NHS: variants seen among roughly 807,000 people sequenced by gnomAD.
NHS encodes the protein NHS actin remodeling regulator, also known as actin remodeling regulator NHS.
NHS carries 5 observed loss-of-function variants against 72.5 expected under a neutral mutation model. The ratio of observed to expected loss-of-function variants is 0.07; its 90% CI spans 0.04 to 0.14. The LOEUF (loss-of-function observed/expected upper bound fraction) is 0.14, where lower values mean the gene tolerates loss of function less well. Ranked by LOEUF, NHS falls within the 10% of genes least tolerant of loss-of-function variation. NHS has a pLI of 1.00. For missense variants in NHS, 1,072 were observed against 1,355.7 expected, an observed-to-expected ratio of 0.79 and a Z score of 3.29; for synonymous variants, 464 against 547.7, an observed-to-expected ratio of 0.85 and a Z score of 2.13.
At chrX:17,656,649 A>G (rs955278160) in intron 1 of NHS, among the ~76,000 whole-genome samples, 5 of 112,314 alleles carry the variant, frequency 4.5e-5, no homozygotes, top group African/African-American at 1.6e-4. Context: ...TATTTTTAAA[A>G]GCATATTGCA....
At chrX:17,586,116 G>C (rs1188303600) in intron 1 of NHS, 2 of 110,903 alleles carry the variant, frequency 1.8e-5, no homozygotes, top group Non-Finnish European at 3.8e-5. Context: ...ACCAGCTCTG[G>C]GGCCTGGGAC....
intron 1 of NHS, among the ~76,000 whole-genome samples, chrX:17,541,676 G>C (rs2065263774): frequency 9.1e-6 from 1 of 109,527 alleles, no homozygotes; most frequent in South Asian, 4.0e-4. Flanking sequence ...AGCTTTGATG[G>C]GCTTTCAGCG....
intron 1 of NHS, among the ~76,000 whole-genome samples, chrX:17,655,901 A>G (rs780946387): frequency 4.9e-4 from 56 of 113,210 alleles, no homozygotes; most frequent in Non-Finnish European, 7.1e-4. Context: ...GCATCCATTC[A>G]TAATTCTCTG....
chrX:17,607,659 A>C (rs1412678433), intron 1 of NHS, among the ~76,000 whole-genome samples: 1 of 111,670 alleles, frequency 9.0e-6, no homozygotes, highest in Non-Finnish European at 1.9e-5. Flanking sequence ...AAATGTTCTA[A>C]ATTTGTGCTG....
At chrX:17,492,780 T>C (rs1288413380) in intron 1 of NHS, among the ~76,000 whole-genome samples, 1 of 112,018 alleles carries the variant, frequency 8.9e-6, no homozygotes, top group African/African-American at 3.2e-5. Flanking sequence ...AGTCTCTTTG[T>C]AGGTCTTTCT....
chrX:17,733,924 T>G lies in NHS; in HGVS notation c.*1460T>G, dbSNP rs1222171057. ...GAATTACTTGAAATTACTTGAATTT[T>G]CTTGTCTTAAAACTGAAAAAAAAAT... On this transcript the variant is annotated 3_prime_UTR_variant, in exon 9 of 9. Coordinates refer to ENST00000676302, the MANE Select transcript of NHS (RefSeq NM_001291867.2). 1 of 111,956 alleles carries G rather than the reference T, an allele frequency of 8.9e-6. No homozygotes were observed. Among genetic ancestry groups the G allele is most frequent in the East Asian group, 2.8e-4 (1 of 3,579 alleles). The allele number at this position is 111,956 out of a possible 1,213,427, so 9.2% of individuals were successfully genotyped here. A position where few individuals can be genotyped will look rare whatever the true frequency, so the allele number is the denominator to read the frequency against.
chrX:17,598,165 C>G (rs2065633662), intron 1 of NHS, among the ~76,000 whole-genome samples: 1 of 111,027 alleles, frequency 9.0e-6, no homozygotes, highest in Admixed American at 9.6e-5. Flanking sequence ...CTCTCCCTCC[C>G]CAGCAATTCC....
intron 1 of NHS, among the ~76,000 whole-genome samples, chrX:17,481,137 C>T (rs781186846): frequency 4.5e-5 from 5 of 111,907 alleles, no homozygotes; most frequent in Admixed American, 1.9e-4. Context: ...GGGTTATAAC[C>T]GTCTTACTGC....
At chrX:17,642,090 C>T (rs1385879661) in intron 1 of NHS, among the ~76,000 whole-genome samples, 1 of 111,247 alleles carries the variant, frequency 9.0e-6, no homozygotes, top group African/African-American at 3.3e-5. Flanking sequence ...GGATTACAGG[C>T]GCAGGCCACC....
At chrX:17,691,704 G>T (rs1184469861) in intron 2 of NHS, among the ~76,000 whole-genome samples, 1 of 111,892 alleles carries the variant, frequency 8.9e-6, no homozygotes, top group East Asian at 2.8e-4. Context: ...GCGCATGGCA[G>T]TAAAGGCACC....
chrX:17,474,929 A>G (rs1170378414), intron 1 of NHS, among the ~76,000 whole-genome samples: 1 of 111,226 alleles, frequency 9.0e-6, no homozygotes, highest in Non-Finnish European at 1.9e-5. Context: ...GCATCATCCT[A>G]GACCTGGGGA....
chrX:17,456,482 A>G (rs2064826303), intron 1 of NHS, among the ~76,000 whole-genome samples: 2 of 112,240 alleles, frequency 1.8e-5, no homozygotes, highest in South Asian at 7.4e-4. Flanking sequence ...GGATCAATAA[A>G]CTATAAAAAC....
At chrX:17,538,340 A>AG (rs774383685) in intron 1 of NHS, among the ~76,000 whole-genome samples, 3 of 111,519 alleles carry the variant, frequency 2.7e-5, no homozygotes, top group African/African-American at 6.5e-5. Context: ...CTCTTTGCTC[A>AG]GGGGGGTCCT....
At chrX:17,645,616 G>A (rs1008480902) in intron 1 of NHS, among the ~76,000 whole-genome samples, 3 of 111,293 alleles carry the variant, frequency 2.7e-5, no homozygotes, top group Admixed American at 9.5e-5. Flanking sequence ...CTATTTCAGA[G>A]TTCTATCAGC....
chrX:17,633,842 A>G (rs1235926742), intron 1 of NHS, among the ~76,000 whole-genome samples: 1 of 112,022 alleles, frequency 8.9e-6, no homozygotes. Context: ...CAGTCTTTTT[A>G]TGAGTGATTG....
intron 1 of NHS, among the ~76,000 whole-genome samples, chrX:17,680,703 G>A (rs1200329793): frequency 9.0e-6 from 1 of 111,320 alleles, no homozygotes; most frequent in African/African-American, 3.3e-5. Context: ...CCTGCTAAAT[G>A]GATTTCACAA....
intron 1 of NHS, among the ~76,000 whole-genome samples, chrX:17,631,366 T>C (rs2065821667): frequency 8.9e-6 from 1 of 112,310 alleles, no homozygotes; most frequent in Non-Finnish European, 1.9e-5. Context: ...ATTAACCTAT[T>C]AACCCTCCTT....
intron 1 of NHS, among the ~76,000 whole-genome samples, chrX:17,669,990 G>A (rs2066034848): frequency 8.9e-6 from 1 of 111,816 alleles, no homozygotes; most frequent in Non-Finnish European, 1.9e-5. Context: ...AGCTTGCCTG[G>A]GCAGCCCCAG....
intron 1 of NHS, among the ~76,000 whole-genome samples, chrX:17,541,611 T>A (rs1374276930): frequency 8.9e-6 from 1 of 111,910 alleles, no homozygotes; most frequent in Non-Finnish European, 1.9e-5. Flanking sequence ...AAGTAAAGAA[T>A]GTAGTTACTC....
Sources: gnomAD v4.1 joint callset for allele counts (sites outside exome capture counted in the v4.1 genomes callset) on GRCh38, gnomAD v4.1.1 for gene constraint, MANE v1.5 for transcripts, NCBI Gene and HGNC (gene_info 2026-07-23, HGNC 2026-07-21) for gene names.